Variants in ZNF93 observed in about 807,000 individuals in gnomAD.
ZNF93 encodes the protein zinc finger protein 93, also known as zinc finger protein 505.
A neutral mutation model predicts 45.0 loss-of-function variants in ZNF93; 29 were observed. The observed-to-expected ratio is 0.64, with a 90% CI of 0.48 to 0.88. The LOEUF (loss-of-function observed/expected upper bound fraction) is 0.88. Ranked by LOEUF, ZNF93 falls within the 40% of genes least tolerant of loss-of-function variation. The probability of loss-of-function intolerance (pLI) is 0.00; values close to 1 mark genes in which losing one functional copy is unlikely to be tolerated. For missense variants in ZNF93, 578 were observed against 724.0 expected (o/e 0.80, Z 2.31); for synonymous variants, 223 against 244.6 (o/e 0.91, Z 0.82).
intron 1 of ZNF93, among the ~76,000 whole-genome samples, chr19:19,906,581 C>T (rs1303719): frequency 0.078 from 11,860 of 152,076 alleles, 973 homozygotes; most frequent in African/African-American, 0.21. Context: ...CTTTTCGTAG[C>T]TTCATCATGA....
At chr19:19,932,142 C>G (rs528547848) in intron 3 of ZNF93, 50 of 209,478 alleles carry the variant, frequency 2.4e-4, no homozygotes, top group Non-Finnish European at 4.2e-4. Flanking sequence ...GCATGGTGGC[C>G]CATGCCTGTA....
chr19:19,933,920 TTAAG>T lies in ZNF93; in HGVS notation c.968_971del (p.Lys323ThrfsTer61). The T allele has an allele frequency of 2.5e-6, 4 of 1,612,888 alleles. No individual in the cohort carries two copies. Among genetic ancestry groups the T allele is most frequent in the Non-Finnish European group, 3.4e-6 (4 of 1,179,668 alleles). On this transcript the variant is annotated frameshift_variant, in exon 4 of 4. Coordinates refer to ENST00000343769, the MANE Select transcript of ZNF93 (RefSeq NM_031218.4). LOFTEE classifies it high-confidence loss of function. ...GTTTGTGAAGAATGTGGCAAAGCCT[TTAAG>T]TACTCCCGTATCCTTACTACACATA...
At position 19,900,979 on chromosome 19, in the gene ZNF93, C is replaced by CT; in HGVS notation, c.-108dup. ...GTGCAGCCGGAGCTCCAGGTCTCCT[C>CT]TTCACTACTCTGTGTCCTGTGCTCC... On this transcript the variant is annotated 5_prime_UTR_variant, in exon 1 of 4. Coordinates refer to ENST00000343769, the MANE Select transcript of ZNF93 (RefSeq NM_031218.4). 4 of 1,545,792 alleles carry CT rather than the reference C, an allele frequency of 2.6e-6. No homozygotes were observed. The highest frequency in any genetic ancestry group is 3.6e-6 in the Non-Finnish European group (4 of 1,121,136).
At chr19:19,911,839 G>A (rs1220786921) in intron 1 of ZNF93, among the ~76,000 whole-genome samples, 2 of 151,312 alleles carry the variant, frequency 1.3e-5, no homozygotes, top group African/African-American at 4.9e-5. Flanking sequence ...AAACTCTGCC[G>A]CCCGGGTTCA....
chr19:19,910,097 C>T (rs2063303570), intron 1 of ZNF93, among the ~76,000 whole-genome samples: 1 of 152,150 alleles, frequency 6.6e-6, no homozygotes, highest in Non-Finnish European at 1.5e-5. Context: ...ATGAGAATCT[C>T]CACTTTCCCC....
At chr19:19,929,277 A>G (rs1341255434) in intron 3 of ZNF93, among the ~76,000 whole-genome samples, 1 of 152,212 alleles carries the variant, frequency 6.6e-6, no homozygotes, top group Non-Finnish European at 1.5e-5. Flanking sequence ...CACTCTGCCA[A>G]GCTGTGAGCC....
chr19:19,910,366 AAATT>A (rs1335755914), intron 1 of ZNF93, among the ~76,000 whole-genome samples: 1 of 152,216 alleles, frequency 6.6e-6, no homozygotes, highest in Non-Finnish European at 1.5e-5. Context: ...AAGTAATTAT[AAATT>A]AAACTAATAA....
At chr19:19,925,879 AAGAAT>A (rs2063354533) in intron 3 of ZNF93, among the ~76,000 whole-genome samples, 1 of 152,102 alleles carries the variant, frequency 6.6e-6, no homozygotes, top group Non-Finnish European at 1.5e-5. Context: ...CATTTTGTGT[AAGAAT>A]AGCATATATT....
Position 19,933,301 on chromosome 19 carries a change from A to T in ZNF93, c.346A>T (p.Arg116Trp). 1 of 1,611,814 alleles carries T rather than the reference A, an allele frequency of 6.2e-7. No homozygotes were observed. The highest frequency in any genetic ancestry group is 1.1e-5 in the South Asian group (1 of 90,738). ...RGHGNLQLIKRCESVDECKVH... is the reference protein window; with the variant it reads ...RGHGNLQLIKWCESVDECKVH... Reference sequence around the variant, plus strand: ...ACATGGAAATTTACAGTTAATAAAAAGGTGTGAAAGTGTAGATGAGTGTAA... The same window carrying T: ...ACATGGAAATTTACAGTTAATAAAATGGTGTGAAAGTGTAGATGAGTGTAA... Residue 116 changes from arginine to tryptophan, a missense_variant, in exon 4 of 4, where the codon AGG becomes TGG. Arg to Trp is a moderately radical substitution (Grantham distance 101, BLOSUM62 -3). Coordinates refer to ENST00000343769, the MANE Select transcript of ZNF93 (RefSeq NM_031218.4).
intron 1 of ZNF93, among the ~76,000 whole-genome samples, chr19:19,914,060 T>A (rs1391401996): frequency 1.3e-5 from 2 of 152,230 alleles, no homozygotes; most frequent in Non-Finnish European, 2.9e-5. Flanking sequence ...TCATAGCTTC[T>A]TATATGCCAT....
intron 3 of ZNF93, among the ~76,000 whole-genome samples, chr19:19,923,071 A>G (rs2063346339): frequency 6.6e-6 from 1 of 151,872 alleles, no homozygotes. Context: ...GGTTTTATCT[A>G]CCTTTGGTCT....
At chr19:19,911,722 G>A (rs1365033494) in intron 1 of ZNF93, among the ~76,000 whole-genome samples, 1 of 152,074 alleles carries the variant, frequency 6.6e-6, no homozygotes, top group African/African-American at 2.4e-5. Flanking sequence ...ACACCTGAAG[G>A]GAGATTTATG....
rs150187903 is a variant in ZNF93, at chr19:19,915,390, T to A, written c.114T>A (p.Ser38Arg). 24 of 1,613,454 alleles carry A rather than the reference T, an allele frequency of 1.5e-5. No homozygotes were observed. The highest frequency in any genetic ancestry group is 2.7e-5 in the African/African-American group (2 of 74,916). ...LYRNVMLENY[S>R]NLVFLGIVVS... ...GGAATGTGATGTTAGAGAACTACAG[T>A]AACCTGGTCTTCCTTGGTGAGGATA... The change falls in exon 2 of 4, where the codon AGT becomes AGA. Residue 38 changes from serine (S) to arginine (R), a missense_variant. Ser to Arg is a moderately radical substitution (Grantham distance 110). This residue lies in a region of ZNF93 where 446 missense variants were observed against 547.6 expected (regional missense o/e 0.81). Transcript: ENST00000343769.
At chr19:19,930,810 T>C (rs1182592615) in intron 3 of ZNF93, among the ~76,000 whole-genome samples, 1 of 152,228 alleles carries the variant, frequency 6.6e-6, no homozygotes, top group Non-Finnish European at 1.5e-5. Flanking sequence ...ATCTAAGATC[T>C]ATATCTGGTA....
At chr19:19,906,451 A>G (rs1028891129) in intron 1 of ZNF93, among the ~76,000 whole-genome samples, 27 of 152,310 alleles carry the variant, frequency 1.8e-4, no homozygotes, top group African/African-American at 5.3e-4. Context: ...TGTCAGAGAC[A>G]AAGTTTGCAA....
At chr19:19,908,963 G>A (rs2063300455) in intron 1 of ZNF93, 1 of 153,334 alleles carries the variant, frequency 6.5e-6, no homozygotes. Flanking sequence ...AATGAGGTGG[G>A]CTGTCACAGT....
chr19:19,928,533 T>G (rs1266290801), intron 3 of ZNF93, among the ~76,000 whole-genome samples: 1 of 151,910 alleles, frequency 6.6e-6, no homozygotes, highest in Non-Finnish European at 1.5e-5. Context: ...TAAATTGATT[T>G]GTTGTTGTTT....
chr19:19,916,938 T>A (rs1347887838), intron 3 of ZNF93, among the ~76,000 whole-genome samples: 1 of 152,236 alleles, frequency 6.6e-6, no homozygotes, highest in African/African-American at 2.4e-5. Context: ...TATAAGAGAT[T>A]ATACAATCTG....
intron 1 of ZNF93, among the ~76,000 whole-genome samples, chr19:19,905,487 G>C (rs1256678226): frequency 2.0e-5 from 3 of 152,070 alleles, no homozygotes; most frequent in African/African-American, 7.2e-5. Flanking sequence ...TTCTGCATTA[G>C]TTTTCTAAGA....
Sources: gnomAD v4.1 joint callset for allele counts (sites outside exome capture counted in the v4.1 genomes callset) on GRCh38, gnomAD v4.1.1 for gene constraint, gnomAD v4.1.1 regional missense constraint, MANE v1.5 for transcripts, NCBI Gene and HGNC (gene_info 2026-07-23, HGNC 2026-07-21) for gene names.